Variants in DPYSL2 observed in about 807,000 individuals in gnomAD.
DPYSL2 encodes dihydropyrimidinase-related protein 2.
DPYSL2 carries 13 observed loss-of-function variants against 69.9 expected under a neutral mutation model. The observed-to-expected ratio is 0.19, with a 90% CI of 0.12 to 0.30. The LOEUF is 0.30. DPYSL2 is among the 10% of genes least tolerant of loss of function. DPYSL2 has a pLI of 1.00. For missense variants in DPYSL2, 587 were observed against 918.9 expected (o/e 0.64, Z 4.67); for synonymous variants, 326 against 359.1 (o/e 0.91, Z 1.04).
intron 1 of DPYSL2, among the ~76,000 whole-genome samples, chr8:26,561,508 C>A (rs1400998307): frequency 6.6e-6 from 1 of 152,112 alleles, no homozygotes; most frequent in African/African-American, 2.4e-5. Flanking sequence ...CAATGGAAAC[C>A]ATCCCCCTAA....
Position 26,581,307 on chromosome 8 carries a change from T to G in DPYSL2, c.355-662T>G, listed in dbSNP as rs566348547. Among the ~76,000 whole-genome samples, 472 of 147,376 alleles carry G rather than the reference T, an allele frequency of 3.2e-3. 2 individuals carry two copies. The highest frequency in any genetic ancestry group is 0.011 in the African/African-American group (422 of 37,112). The stretch of plus-strand genomic sequence containing the variant: ...ACATGGCTTTCCTATATGTAGGTGG[T>G]TTTTTTTGTTGTTGTTTGTTTGTTT... On this transcript the variant is annotated intron_variant, in intron 1 of 13. Coordinates refer to ENST00000521913, the MANE Select transcript of DPYSL2 (RefSeq NM_001197293.3).
Position 26,624,085 on chromosome 8 carries a change from G to A in DPYSL2, c.629-58G>A. 11 of 1,592,000 alleles carry A rather than the reference G, an allele frequency of 6.9e-6. No homozygotes were observed. Among genetic ancestry groups the A allele is most frequent in the Non-Finnish European group, 9.4e-6 (11 of 1,166,078 alleles). On this transcript the variant is annotated intron_variant, in intron 3 of 13. Transcript: ENST00000521913. This position sits in a 1 kb window ranked among gnomAD's most constrained non-coding sequence, Gnocchi z 4.7. ...TCAGGGTTCAAGTGGGAAAATACCT[G>A]CTGGCCCACGGCCCTTGAGGCTCTT... is the stretch of plus-strand genomic sequence containing the variant.
At chr8:26,525,457 A>G (rs1808461366) in intron 1 of DPYSL2, among the ~76,000 whole-genome samples, 1 of 152,206 alleles carries the variant, frequency 6.6e-6, no homozygotes, top group Non-Finnish European at 1.5e-5. Flanking sequence ...CCAGGGCTCA[A>G]GAAATCCTCT....
Position 26,573,301 on chromosome 8 carries a change from G to A in DPYSL2, c.355-8668G>A, listed in dbSNP as rs191592744. Among the ~76,000 whole-genome samples, 932 of 152,280 alleles carry A rather than the reference G, an allele frequency of 6.1e-3. 2 individuals are homozygous for A. The highest frequency in any genetic ancestry group is 0.011 in the Non-Finnish European group (729 of 68,012). On this transcript the variant is annotated intron_variant, in intron 1 of 13. Coordinates refer to ENST00000521913, the MANE Select transcript of DPYSL2 (RefSeq NM_001197293.3). ...GAACTTTGGGAGGCCGAGGCAGGCA[G>A]ATCCTGAGGTCAGGAGTTTGAGACC...
chr8:26,520,474 G>GCT (rs1554531108), intron 1 of DPYSL2, among the ~76,000 whole-genome samples: 34 of 145,454 alleles, frequency 2.3e-4, no homozygotes, highest in Non-Finnish European at 4.4e-4. Context: ...CTGAATGCCT[G>GCT]TTTTTTTTTT....
rs569874151 is a variant in DPYSL2, at chr8:26,605,071, C to T, written c.629-19072C>T. On this transcript the variant is annotated intron_variant, in intron 3 of 13. Transcript: ENST00000521913. The surrounding 1 kb of genome is among the most constrained non-coding windows in gnomAD (Gnocchi z 4.1). ...CGTTATGTTCTGCATTGTAAATGTGCGGAAATCAGTCACCCAGTCACCTGA... is the reference window on the plus strand; with the variant it reads ...CGTTATGTTCTGCATTGTAAATGTGTGGAAATCAGTCACCCAGTCACCTGA... Among the ~76,000 whole-genome samples the T allele has an allele frequency of 3.2e-4, 48 of 152,146 alleles. No homozygotes were observed. Among genetic ancestry groups the T allele is most frequent in the Non-Finnish European group, 5.3e-4 (36 of 68,002 alleles).
At position 26,623,963 on chromosome 8, in the gene DPYSL2, C is replaced by G. The variant is rs547611119; in HGVS notation, c.629-180C>G. On this transcript the variant is annotated intron_variant, in intron 3 of 13. Transcript: ENST00000521913. The stretch of plus-strand genomic sequence containing the variant: ...TCATCCAATGCCAAGTTTCTGCTTT[C>G]TGCTTTCTCCCTCTTGGATAATCAG... 46 of 643,962 alleles carry G rather than the reference C, an allele frequency of 7.1e-5. No homozygotes were observed. The African/African-American group carries it at 8.2e-4, about 12-fold the overall frequency. 39.9% of individuals were successfully genotyped at this position (643,962 alleles called of 1,614,324 possible).
intron 1 of DPYSL2, among the ~76,000 whole-genome samples, chr8:26,538,437 A>G (rs1311559743): frequency 6.6e-6 from 1 of 151,984 alleles, no homozygotes; most frequent in Non-Finnish European, 1.5e-5. Flanking sequence ...ATAGGTAGGT[A>G]CCAAGAGCGA....
At position 26,647,983 on chromosome 8, in the gene DPYSL2, A is replaced by G. The variant is rs1175932785; in HGVS notation, c.1596+183A>G. 2.0e-5 allele frequency among the ~76,000 whole-genome samples: 3 copies of G among 152,234 alleles called. No individual in the cohort carries two copies. Among genetic ancestry groups the G allele is most frequent in the Non-Finnish European group, 4.4e-5 (3 of 68,040 alleles). On this transcript the variant is annotated intron_variant, in intron 11 of 13. Transcript: ENST00000521913. This position sits in a 1 kb window ranked among gnomAD's most constrained non-coding sequence, Gnocchi z 5.1. ...TTATTTCATTTTCTTTAGTGAGGTC[A>G]ATAAGATTGTTACTCTCATAATCAT...
At chr8:26,575,650 T>C (rs766914241) in intron 1 of DPYSL2, among the ~76,000 whole-genome samples, 5 of 152,184 alleles carry the variant, frequency 3.3e-5, no homozygotes, top group Non-Finnish European at 5.9e-5. Flanking sequence ...TTGAAGCCAA[T>C]GAGACAGACA....
intron 1 of DPYSL2, among the ~76,000 whole-genome samples, chr8:26,525,861 A>T (rs1808467410): frequency 6.6e-6 from 1 of 152,130 alleles, no homozygotes; most frequent in Non-Finnish European, 1.5e-5. Context: ...ACCTGATATG[A>T]TTTTTTAACC....
intron 1 of DPYSL2, among the ~76,000 whole-genome samples, chr8:26,574,267 GC>G (rs139731746): frequency 0.025 from 3,764 of 152,268 alleles, 139 homozygotes; most frequent in African/African-American, 0.085. Context: ...GTTTTCAGGG[GC>G]AGTGAGAAGT....
In DPYSL2 at chr8:26,656,061, A is replaced by C. The variant is rs1380902808; in HGVS notation, c.*355A>C. 15 of 192,674 alleles carry C rather than the reference A, an allele frequency of 7.8e-5. No individual in the cohort carries two copies. Among genetic ancestry groups the C allele is most frequent in the Non-Finnish European group, 1.0e-4 (10 of 95,930 alleles). 11.9% of individuals were successfully genotyped at this position (192,674 alleles called of 1,614,324 possible). ...AGTGTCTGTTAGCATCTTCCTTTTC[A>C]TGGGGGGAGGGAAGATAAAGTGAAT... is the stretch of plus-strand genomic sequence containing the variant. On this transcript the variant is annotated 3_prime_UTR_variant, in exon 14 of 14. Transcript: ENST00000521913.
chr8:26,641,949 G>A lies in DPYSL2; in HGVS notation c.1127-1490G>A, dbSNP rs773101826. ...TGTATCATCAAGTGATAAGGCCTTC[G>A]GAAAGGCTGTGGAGAGGAAGGAAAA... is the stretch of plus-strand genomic sequence containing the variant. On this transcript the variant is annotated intron_variant, in intron 8 of 13. Transcript: ENST00000521913. This position sits in a 1 kb window ranked among gnomAD's most constrained non-coding sequence, Gnocchi z 4.1. Among the ~76,000 whole-genome samples, 12 of 152,156 alleles carry A rather than the reference G, an allele frequency of 7.9e-5. No individual in the cohort carries two copies. Among genetic ancestry groups the A allele is most frequent in the South Asian group, 2.1e-4 (1 of 4,828 alleles).
At chr8:26,595,337 T>C (rs1041954929) in intron 3 of DPYSL2, among the ~76,000 whole-genome samples, 4 of 152,130 alleles carry the variant, frequency 2.6e-5, no homozygotes, top group African/African-American at 9.7e-5. Context: ...AAATAATCTC[T>C]GGAGAATTTG....
chr8:26,651,530 G>C (rs2129994413), intron 11 of DPYSL2, among the ~76,000 whole-genome samples: 1 of 152,286 alleles, frequency 6.6e-6, no homozygotes, highest in East Asian at 1.9e-4. Flanking sequence ...AGTAGCACTG[G>C]GTTAGCAGAA....
chr8:26,520,914 G>C lies in DPYSL2; in HGVS notation c.354+6235G>C, dbSNP rs376449774. Among the ~76,000 whole-genome samples, 44 of 152,148 alleles carry C rather than the reference G, an allele frequency of 2.9e-4. No homozygotes were observed. The East Asian group carries it at 6.6e-3, about 23-fold the overall frequency. ...GAAGGGGCCAAGGGAGGTCTCTGGG[G>C]TCTCTTTTATAAGGTCACTATCCTG... On this transcript the variant is annotated intron_variant, in intron 1 of 13. Coordinates refer to ENST00000521913, the MANE Select transcript of DPYSL2 (RefSeq NM_001197293.3).
intron 7 of DPYSL2, among the ~76,000 whole-genome samples, chr8:26,634,449 T>TTTA (rs1554545916): frequency 1.4e-5 from 2 of 145,996 alleles, no homozygotes; most frequent in African/African-American, 2.5e-5. Flanking sequence ...TTTTTTTTTT[T>TTTA]AATTGTATTT....
intron 1 of DPYSL2, among the ~76,000 whole-genome samples, chr8:26,578,714 G>GA (rs1320536588): frequency 6.6e-6 from 1 of 152,218 alleles, no homozygotes; most frequent in Non-Finnish European, 1.5e-5. Context: ...TGGGGACTTG[G>GA]ATCCTCCCCG....
Sources: allele counts gnomAD v4.1 joint callset (sites outside exome capture counted in the v4.1 genomes callset), GRCh38; gene constraint gnomAD v4.1.1; non-coding constraint Gnocchi (gnomAD v3.1); transcripts MANE v1.5; gene names NCBI Gene and HGNC (gene_info 2026-07-23, HGNC 2026-07-21).